SGIP1: variants seen among roughly 807,000 people sequenced by gnomAD.
SGIP1 encodes SH3-containing GRB2-like protein 3-interacting protein 1.
Under a neutral mutation model 107.5 loss-of-function variants are expected in SGIP1, and 38 were observed. The ratio of observed to expected loss-of-function variants is 0.35; its 90% CI spans 0.27 to 0.46. The LOEUF (loss-of-function observed/expected upper bound fraction) is 0.46. Among genes scored for constraint, SGIP1 ranks in the 20% least tolerant of loss-of-function variants. The pLI is 1.00. For synonymous variants in SGIP1, 365 were observed against 366.1 expected (o/e 1.00, Z 0.03); for missense variants, 929 against 1,019.5 (o/e 0.91, Z 1.21).
At chr1:66,658,708 A>G (rs2080274641) in intron 7 of SGIP1, among the ~76,000 whole-genome samples, 1 of 152,236 alleles carries the variant, frequency 6.6e-6, no homozygotes, top group Non-Finnish European at 1.5e-5. Context: ...ACAGAACAAA[A>G]TAAAAATTGC....
intron 17 of SGIP1, 161 bp from the exon 18 acceptor site, chr1:66,695,273 T>C (rs1401947420): frequency 1.1e-6 from 1 of 949,998 alleles, no homozygotes; most frequent in South Asian, 4.0e-5. Context: ...AAAAAAAAAG[T>C]GTAGATTGCC....
At chr1:66,603,665 A>C (rs2066284491) in intron 1 of SGIP1, among the ~76,000 whole-genome samples, 1 of 152,128 alleles carries the variant, frequency 6.6e-6, no homozygotes, top group South Asian at 2.1e-4. Flanking sequence ...AGAAAGCCTA[A>C]TTTTTTTAAG....
chr1:66,720,665 G>C (rs531546710), intron 19 of SGIP1, among the ~76,000 whole-genome samples: 10 of 152,288 alleles, frequency 6.6e-5, no homozygotes, highest in African/African-American at 2.4e-4. Flanking sequence ...AGCAGAAGCA[G>C]CAGTGAGCCA....
rs1240990760 is a variant in SGIP1 at position 66,672,010 on chromosome 1, C to T, written c.560+15C>T. On this transcript the variant is annotated intron_variant, in intron 11 of 24. Transcript: ENST00000371037. ...GAACTTATAAGGTGAGTGTGAAAGACATTAGTTGTGTTTTATGCAAGGCAT... is the reference window on the plus strand; with the variant it reads ...GAACTTATAAGGTGAGTGTGAAAGATATTAGTTGTGTTTTATGCAAGGCAT... The T allele has an allele frequency of 1.2e-6, 2 of 1,613,274 alleles. No individual in the cohort carries two copies. The highest frequency in any genetic ancestry group is 1.7e-5 in the Admixed American group (1 of 59,982).
chr1:66,718,612 T>C (rs2093368271), intron 18 of SGIP1, among the ~76,000 whole-genome samples: 1 of 152,090 alleles, frequency 6.6e-6, no homozygotes, highest in Non-Finnish European at 1.5e-5. Flanking sequence ...AAGGCACCCA[T>C]GTTCATACAG....
chr1:66,695,861 G>C (rs2090813499), intron 18 of SGIP1, among the ~76,000 whole-genome samples: 2 of 152,142 alleles, frequency 1.3e-5, no homozygotes, highest in East Asian at 3.8e-4. Flanking sequence ...ACAAATATAA[G>C]GACATTTTTG....
At chr1:66,611,872 A>T (rs6665859) in intron 1 of SGIP1, among the ~76,000 whole-genome samples, 54,632 of 152,038 alleles carry the variant, frequency 0.36, 10,272 homozygotes, top group African/African-American at 0.46. Flanking sequence ...ATTCAGCTTT[A>T]GTTTATACAT....
At chr1:66,575,528 A>G (rs1333479657) in intron 1 of SGIP1, among the ~76,000 whole-genome samples, 1 of 152,166 alleles carries the variant, frequency 6.6e-6, no homozygotes, top group African/African-American at 2.4e-5. Flanking sequence ...TAATAAATAT[A>G]TAACCTATCA....
At chr1:66,732,176 T>C (rs966356457) in intron 20 of SGIP1, among the ~76,000 whole-genome samples, 4 of 152,216 alleles carry the variant, frequency 2.6e-5, no homozygotes, top group Non-Finnish European at 5.9e-5. Flanking sequence ...ATTAATGACA[T>C]GTTGCTAGAT....
intron 18 of SGIP1, among the ~76,000 whole-genome samples, chr1:66,702,300 A>G (rs2092008886): frequency 6.6e-6 from 1 of 152,216 alleles, no homozygotes; most frequent in Admixed American, 6.5e-5. Flanking sequence ...ATACGTTGAA[A>G]GGGAGTTACT....
chr1:66,593,487 A>T (rs935883533), intron 1 of SGIP1, among the ~76,000 whole-genome samples: 3 of 152,180 alleles, frequency 2.0e-5, no homozygotes, highest in Non-Finnish European at 4.4e-5. Flanking sequence ...GTGTCATAGC[A>T]CTTACTACAA....
At chr1:66,575,317 A>G (rs535261044) in intron 1 of SGIP1, among the ~76,000 whole-genome samples, 8 of 152,276 alleles carry the variant, frequency 5.3e-5, no homozygotes, top group African/African-American at 1.9e-4. Context: ...ACCGTCAATA[A>G]TGTGCATCTA....
chr1:66,604,644 GGAT>G (rs1409389077), intron 1 of SGIP1, among the ~76,000 whole-genome samples: 4 of 152,230 alleles, frequency 2.6e-5, no homozygotes, highest in South Asian at 4.1e-4. Flanking sequence ...AGGATGGTTG[GGAT>G]GATGAAGTAT....
chr1:66,698,192 G>A (rs572876492), intron 18 of SGIP1, among the ~76,000 whole-genome samples: 2 of 152,276 alleles, frequency 1.3e-5, no homozygotes, highest in African/African-American at 4.8e-5. Flanking sequence ...TAACATGGGT[G>A]CTTCACACTT....
chr1:66,560,359 C>T (rs2058749971), intron 1 of SGIP1, among the ~76,000 whole-genome samples: 1 of 152,072 alleles, frequency 6.6e-6, no homozygotes, highest in South Asian at 2.1e-4. Context: ...CGCACTCTAT[C>T]CTTGTAGTTC....
chr1:66,701,547 G>A (rs1268739268), intron 18 of SGIP1, among the ~76,000 whole-genome samples: 1 of 152,122 alleles, frequency 6.6e-6, no homozygotes, highest in Non-Finnish European at 1.5e-5. Context: ...ATAACTGAAG[G>A]TCACAGAGAG....
At chr1:66,632,297 C>T (rs2149391293) in intron 2 of SGIP1, among the ~76,000 whole-genome samples, 1 of 152,254 alleles carries the variant, frequency 6.6e-6, no homozygotes, top group Non-Finnish European at 1.5e-5. Context: ...AGAATAGCTG[C>T]CCCGGGCTTT....
intron 24 of SGIP1, among the ~76,000 whole-genome samples, chr1:66,742,158 G>A (rs1175788393): frequency 6.6e-6 from 1 of 152,124 alleles, no homozygotes; most frequent in Non-Finnish European, 1.5e-5. Flanking sequence ...TGAGATCTGG[G>A]AGAATCTATT....
intron 17 of SGIP1, among the ~76,000 whole-genome samples, chr1:66,693,916 G>A (rs2090368890): frequency 6.6e-6 from 1 of 152,200 alleles, no homozygotes; most frequent in East Asian, 1.9e-4. Flanking sequence ...GGCTGAAATG[G>A]GATAGTTCAT....
Sources: gnomAD v4.1 joint callset for allele counts (sites outside exome capture counted in the v4.1 genomes callset) on GRCh38, gnomAD v4.1.1 for gene constraint, MANE v1.5 for transcripts, NCBI Gene and HGNC (gene_info 2026-07-23, HGNC 2026-07-21) for gene names.